PELI2: variants seen among roughly 807,000 people sequenced by gnomAD.
The protein encoded by PELI2 is pellino E3 ubiquitin protein ligase family member 2.
A neutral mutation model predicts 42.3 loss-of-function variants in PELI2; 23 were observed. The observed-to-expected ratio is 0.54, with a 90% CI of 0.39 to 0.77. PELI2 has a LOEUF of 0.77. Ranked by LOEUF, PELI2 falls within the 30% of genes least tolerant of loss-of-function variation. The pLI, the probability that PELI2 is intolerant of heterozygous loss-of-function variation, is 0.00. For missense variants in PELI2, 463 were observed against 553.2 expected, an observed-to-expected ratio of 0.84 and a Z score of 1.64; for synonymous variants, 245 against 212.2, an observed-to-expected ratio of 1.15 and a Z score of -1.34.
intron 1 of PELI2, among the ~76,000 whole-genome samples, chr14:56,173,264 G>T (rs1169954575): frequency 6.6e-6 from 1 of 152,154 alleles, no homozygotes; most frequent in Non-Finnish European, 1.5e-5. Context: ...TGTGAATTTT[G>T]TCTTTAAAAC....
chr14:56,291,560 G>T (rs546452867), intron 5 of PELI2, among the ~76,000 whole-genome samples: 1 of 152,148 alleles, frequency 6.6e-6, no homozygotes, highest in African/African-American at 2.4e-5. Flanking sequence ...ATGTTTTCAA[G>T]AAATTGTAAA....
intron 2 of PELI2, among the ~76,000 whole-genome samples, chr14:56,268,443 A>G (rs1417038572): frequency 6.6e-6 from 1 of 151,864 alleles, no homozygotes; most frequent in Non-Finnish European, 1.5e-5. Context: ...AAATTTACCA[A>G]CTCCTCTTCT....
chr14:56,204,887 C>T (rs1359116331), intron 2 of PELI2, among the ~76,000 whole-genome samples: 1 of 151,808 alleles, frequency 6.6e-6, no homozygotes, highest in Non-Finnish European at 1.5e-5. Context: ...AAAAAGTAGC[C>T]AGGCGTGGTG....
intron 2 of PELI2, among the ~76,000 whole-genome samples, chr14:56,214,560 T>C (rs1171345838): frequency 6.6e-6 from 1 of 152,152 alleles, no homozygotes; most frequent in Non-Finnish European, 1.5e-5. Flanking sequence ...GTTCTCTTAG[T>C]AGGAAGAGGG....
intron 1 of PELI2, among the ~76,000 whole-genome samples, chr14:56,145,276 T>C (rs1191511414): frequency 6.6e-6 from 1 of 152,074 alleles, no homozygotes; most frequent in Non-Finnish European, 1.5e-5. Flanking sequence ...CATGAAACAG[T>C]GCTGGGGGAT....
chr14:56,150,628 T>C (rs1884312594), intron 1 of PELI2, among the ~76,000 whole-genome samples: 2 of 152,362 alleles, frequency 1.3e-5, no homozygotes, highest in African/African-American at 2.4e-5. Flanking sequence ...AAATATCTTA[T>C]AACCTCTATT....
intron 3 of PELI2, among the ~76,000 whole-genome samples, chr14:56,280,017 G>A (rs943844263): frequency 6.6e-6 from 1 of 152,060 alleles, no homozygotes; most frequent in African/African-American, 2.4e-5. Flanking sequence ...CATTAATTAA[G>A]CAAGAATAAA....
chr14:56,156,393 CAGAG>C (rs879398084), intron 1 of PELI2, among the ~76,000 whole-genome samples: 25 of 151,144 alleles, frequency 1.7e-4, no homozygotes, highest in African/African-American at 4.9e-4. Context: ...CATCTTCAAG[CAGAG>C]AGAGAGAGAG....
chr14:56,140,981 C>G (rs879858066), intron 1 of PELI2, among the ~76,000 whole-genome samples: 3 of 152,086 alleles, frequency 2.0e-5, no homozygotes, highest in Admixed American at 2.0e-4. Context: ...CCCTCGTACT[C>G]TATTGTTTAG....
intron 1 of PELI2, among the ~76,000 whole-genome samples, chr14:56,126,568 G>A (rs1883274263): frequency 6.6e-6 from 1 of 152,088 alleles, no homozygotes; most frequent in African/African-American, 2.4e-5. Context: ...TGGCTTCTAG[G>A]CTATTGGTAT....
chr14:56,130,471 A>G (rs553219270), intron 1 of PELI2, among the ~76,000 whole-genome samples: 1 of 151,840 alleles, frequency 6.6e-6, no homozygotes, highest in East Asian at 1.9e-4. Context: ...AACCCTTGCC[A>G]TACTGGGTAT....
intron 2 of PELI2, among the ~76,000 whole-genome samples, chr14:56,231,164 C>A (rs562351953): frequency 6.6e-6 from 1 of 152,138 alleles, no homozygotes; most frequent in South Asian, 2.1e-4. Context: ...TGGGGGGACA[C>A]TTTAATACAC....
At chr14:56,203,402 G>T (rs996297552) in intron 2 of PELI2, among the ~76,000 whole-genome samples, 1 of 152,112 alleles carries the variant, frequency 6.6e-6, no homozygotes, top group Non-Finnish European at 1.5e-5. Flanking sequence ...GCCAAAAAAG[G>T]TATGTTTTTT....
chr14:56,191,172 C>CA (rs1885937311), intron 2 of PELI2, among the ~76,000 whole-genome samples: 1 of 152,154 alleles, frequency 6.6e-6, no homozygotes, highest in African/African-American at 2.4e-5. Context: ...CAGCAGGACC[C>CA]ACTCTTATAG....
chr14:56,235,571 G>A (rs1021467918), intron 2 of PELI2, among the ~76,000 whole-genome samples: 1 of 152,238 alleles, frequency 6.6e-6, no homozygotes. Flanking sequence ...CAGTGCTGCT[G>A]TGGTCACCTG....
chr14:56,222,085 T>A (rs868624121), intron 2 of PELI2, among the ~76,000 whole-genome samples: 32 of 151,836 alleles, frequency 2.1e-4, no homozygotes, highest in African/African-American at 3.6e-4. Context: ...TTTTTTTTTT[T>A]AATAGTTTTT....
At chr14:56,170,553 C>G (rs1885127617) in intron 1 of PELI2, among the ~76,000 whole-genome samples, 2 of 152,138 alleles carry the variant, frequency 1.3e-5, no homozygotes, top group Admixed American at 6.5e-5. Context: ...TAGGTTCTGC[C>G]TGACATTTCC....
intron 2 of PELI2, among the ~76,000 whole-genome samples, chr14:56,271,509 G>A (rs143643323): frequency 3.4e-4 from 52 of 152,222 alleles, no homozygotes; most frequent in Non-Finnish European, 2.2e-4. Flanking sequence ...TTGTATAGTT[G>A]TTTATTTAGA....
chr14:56,252,513 A>G (rs1364700122), intron 2 of PELI2, among the ~76,000 whole-genome samples: 3 of 152,224 alleles, frequency 2.0e-5, no homozygotes, highest in Admixed American at 6.5e-5. Context: ...TGTCTGGGGA[A>G]TAACCTGTGG....
Sources: gnomAD v4.1 joint callset for allele counts (sites outside exome capture counted in the v4.1 genomes callset) on GRCh38, gnomAD v4.1.1 for gene constraint, MANE v1.5 for transcripts, NCBI Gene and HGNC (gene_info 2026-07-23, HGNC 2026-07-21) for gene names.